CLIC6: variants seen among roughly 807,000 people sequenced by gnomAD.
The protein encoded by CLIC6 is chloride intracellular channel protein 6.
A neutral mutation model predicts 49.2 loss-of-function variants in CLIC6; 39 were observed. That is an observed-to-expected ratio of 0.79 (90% confidence interval 0.61 to 1.04). CLIC6 has a LOEUF of 1.04. Among genes scored for constraint, CLIC6 ranks in the 50% least tolerant of loss-of-function variants. The pLI, the probability that CLIC6 is intolerant of heterozygous loss-of-function variation, is 0.00. For synonymous variants in CLIC6, 446 were observed against 433.4 expected (o/e 1.03, Z -0.36); for missense variants, 988 against 993.1 (o/e 0.99, Z 0.07).
At chr21:34,692,685 G>C (rs1464091059) in intron 1 of CLIC6, among the ~76,000 whole-genome samples, 2 of 152,216 alleles carry the variant, frequency 1.3e-5, no homozygotes, top group East Asian at 1.9e-4. Context: ...ACTGACCTGA[G>C]TATGTTTGAA....
At chr21:34,707,143 A>G (rs1453518692) in intron 1 of CLIC6, 137 bp from the exon 2 acceptor site, 2 of 698,844 alleles carry the variant, frequency 2.9e-6, no homozygotes, top group East Asian at 5.4e-5. Flanking sequence ...TGAGGCTGGT[A>G]AAATGGCCTC....
In CLIC6 at chr21:34,690,229, G is replaced by A. The variant is rs56037873; in HGVS notation, c.1375-17051G>A. Reference sequence around the variant, plus strand: ...GCACAGCGCTGCCTGGATATCCAGCGGTGCAGGATCAGCCTCGAGGCCAGT... The same window carrying A: ...GCACAGCGCTGCCTGGATATCCAGCAGTGCAGGATCAGCCTCGAGGCCAGT... On this transcript the variant is annotated intron_variant, in intron 1 of 5. Coordinates refer to ENST00000349499, the MANE Select transcript of CLIC6 (RefSeq NM_053277.3). Among the ~76,000 whole-genome samples the A allele has an allele frequency of 2.5e-4, 38 of 152,130 alleles. No individual in the cohort carries two copies. In the East Asian group the frequency reaches 5.8e-3, roughly 23 times the overall value.
At chr21:34,676,153 C>G (rs1380031622) in intron 1 of CLIC6, among the ~76,000 whole-genome samples, 1 of 152,214 alleles carries the variant, frequency 6.6e-6, no homozygotes, top group African/African-American at 2.4e-5. Context: ...CCTTGAATAT[C>G]TAAAGACCCA....
Position 34,716,592 on chromosome 21 carries a change from TG to T in CLIC6, c.*112del. 6 of 817,446 alleles carry T rather than the reference TG, an allele frequency of 7.3e-6. No individual in the cohort carries two copies. The highest frequency in any genetic ancestry group is 1.1e-5 in the Non-Finnish European group (6 of 558,116). 50.6% of individuals were successfully genotyped at this position (817,446 alleles called of 1,614,324 possible). ...TCAATTCCTTCAATTTTTAAAAAAC[TG>T]GTCTCTGAGAGTTTTTTAAATCATT... On this transcript the variant is annotated 3_prime_UTR_variant, in exon 6 of 6. Transcript: ENST00000349499.
At chr21:34,671,918 AC>A (rs1989574588) in intron 1 of CLIC6, among the ~76,000 whole-genome samples, 2 of 152,136 alleles carry the variant, frequency 1.3e-5, no homozygotes, top group South Asian at 4.2e-4. Context: ...TTTTTTCAAG[AC>A]CCTGGGACAT....
At chr21:34,682,306 C>A (rs1989792662) in intron 1 of CLIC6, among the ~76,000 whole-genome samples, 1 of 152,204 alleles carries the variant, frequency 6.6e-6, no homozygotes, top group Admixed American at 6.5e-5. Context: ...TTTCCACAAA[C>A]TTCTCTGCTG....
Position 34,670,549 on chromosome 21 carries a change from G to A in CLIC6, c.1161G>A (p.Ala387=), listed in dbSNP as rs769231890. ...SPEGPREEEA[A]GGEEESPDSS... ...AGGGGCCAAGGGAGGAGGAAGCAGC[G>A]GGGGGCGAAGAGGAATCCCCCGACA... is the stretch of plus-strand genomic sequence containing the variant. Residue 387 remains alanine, a synonymous_variant, in exon 1 of 6, where the codon GCG becomes GCA. Transcript: ENST00000349499. 1 of 1,499,186 alleles carries A rather than the reference G, an allele frequency of 6.7e-7. No homozygotes were observed. The highest frequency in any genetic ancestry group is 8.9e-7 in the Non-Finnish European group (1 of 1,124,924). The allele number at this position is 1,499,186 out of a possible 1,614,324, so 92.9% of individuals were successfully genotyped here.
intron 4 of CLIC6, 55 bp from the exon 5 acceptor site, chr21:34,709,302 A>C: frequency 6.6e-7 from 1 of 1,510,254 alleles, no homozygotes; most frequent in African/African-American, 1.4e-5. Context: ...CAGCTGGTGA[A>C]AAGTGACATG....
Position 34,714,500 on chromosome 21 carries a change from C to A in CLIC6, c.1900-1821C>A, listed in dbSNP as rs541789939. On this transcript the variant is annotated intron_variant, in intron 5 of 5. Coordinates refer to ENST00000349499, the MANE Select transcript of CLIC6 (RefSeq NM_053277.3). ...GCCAGGAGTTCGAGATCAGCCTGGG[C>A]AAAATGGTGAAACCCCGTCTCTACT... 4.4e-3 allele frequency among the ~76,000 whole-genome samples: 675 copies of A among 152,030 alleles called. 7 individuals are homozygous for A. The highest frequency in any genetic ancestry group is 0.015 in the African/African-American group (641 of 41,458).
intron 1 of CLIC6, among the ~76,000 whole-genome samples, chr21:34,680,059 T>G (rs1989746895): frequency 6.6e-6 from 1 of 152,252 alleles, no homozygotes; most frequent in Admixed American, 6.5e-5. Context: ...TACATTTCCC[T>G]TCTGTACTGC....
rs76567787 is a variant in CLIC6, at chr21:34,672,341, C to G, written c.1374+1579C>G. Among the ~76,000 whole-genome samples the G allele has an allele frequency of 8.1e-4, 123 of 152,354 alleles. 4 individuals carry two copies. The East Asian group carries it at 0.022, about 27-fold the overall frequency. On this transcript the variant is annotated intron_variant, in intron 1 of 5. Coordinates refer to ENST00000349499, the MANE Select transcript of CLIC6 (RefSeq NM_053277.3). ...GCCTTGGCATTGCTGGGTGTCCCCACCCTTTGTTACCTGTGGTCTCGCTAT... is the reference window on the plus strand; with the variant it reads ...GCCTTGGCATTGCTGGGTGTCCCCAGCCTTTGTTACCTGTGGTCTCGCTAT...
chr21:34,686,509 T>C (rs1488791228), intron 1 of CLIC6, among the ~76,000 whole-genome samples: 1 of 152,256 alleles, frequency 6.6e-6, no homozygotes, highest in African/African-American at 2.4e-5. Context: ...ATTTCTTTAA[T>C]ACTCCTATTA....
At chr21:34,677,282 A>T (rs913843647) in intron 1 of CLIC6, among the ~76,000 whole-genome samples, 1 of 152,218 alleles carries the variant, frequency 6.6e-6, no homozygotes, top group Non-Finnish European at 1.5e-5. Context: ...TGCTCTGCCA[A>T]GCTTTCAAAA....
At chr21:34,714,554 G>A (rs1326990207) in intron 5 of CLIC6, among the ~76,000 whole-genome samples, 1 of 152,036 alleles carries the variant, frequency 6.6e-6, no homozygotes, top group Non-Finnish European at 1.5e-5. Context: ...TAGGTATGGT[G>A]GTGCACACCT....
intron 1 of CLIC6, chr21:34,705,969 A>T: frequency 1.6e-6 from 1 of 640,754 alleles, no homozygotes. Context: ...GACCCACTGA[A>T]TCAAACTCTG....
At chr21:34,693,888 G>T (rs540856073) in intron 1 of CLIC6, among the ~76,000 whole-genome samples, 1 of 152,204 alleles carries the variant, frequency 6.6e-6, no homozygotes, top group Admixed American at 6.5e-5. Context: ...CGGGTGATTG[G>T]ATCATGGAGA....
rs112814796 is a variant in CLIC6 at position 34,688,392 on chromosome 21, C to T, written c.1374+17630C>T. ...AGCGCAGGCGAGGGAAGACAAAAGA[C>T]GGAGAACGACGGTTCACCCGGGTGG... is the stretch of plus-strand genomic sequence containing the variant. On this transcript the variant is annotated intron_variant, in intron 1 of 5. Transcript: ENST00000349499. 9.2e-5 allele frequency among the ~76,000 whole-genome samples: 14 copies of T among 152,268 alleles called. 1 individual carries two copies. Among genetic ancestry groups the T allele is most frequent in the African/African-American group, 3.1e-4 (13 of 41,542 alleles).
At chr21:34,703,522 G>A (rs2055993918) in intron 1 of CLIC6, among the ~76,000 whole-genome samples, 1 of 152,162 alleles carries the variant, frequency 6.6e-6, no homozygotes, top group Non-Finnish European at 1.5e-5. Context: ...TGGCTGTGTG[G>A]GTGGTGCCCT....
chr21:34,669,334 G>T lies in CLIC6; in HGVS notation c.-55G>T. ...AGCACGCCCCTTGCCCAGCGCCACC[G>T]ACCCTTAAGCAGCGTCAAGGAAGGA... On this transcript the variant is annotated 5_prime_UTR_variant, in exon 1 of 6. Coordinates refer to ENST00000349499, the MANE Select transcript of CLIC6 (RefSeq NM_053277.3). The T allele has an allele frequency of 8.2e-7, 1 of 1,220,060 alleles. No homozygotes were observed. Among genetic ancestry groups the T allele is most frequent in the South Asian group, 4.3e-5 (1 of 23,460 alleles). The allele number at this position is 1,220,060 out of a possible 1,614,324, so 75.6% of individuals were successfully genotyped here.
Sources: allele counts gnomAD v4.1 joint callset (sites outside exome capture counted in the v4.1 genomes callset), GRCh38; gene constraint gnomAD v4.1.1; transcripts MANE v1.5; gene names NCBI Gene and HGNC (gene_info 2026-07-23, HGNC 2026-07-21).